The following GATA4 variants were observed in gnomAD, a reference collection of about 807,000 sequenced individuals.
GATA4 encodes transcription factor GATA-4.
Under a neutral mutation model 37.9 loss-of-function variants are expected in GATA4, and 7 were observed. The ratio of observed to expected loss-of-function variants is 0.18; its 90% CI spans 0.11 to 0.35. GATA4 has a LOEUF of 0.35. GATA4 is among the 10% of genes least tolerant of loss of function. The pLI is 1.00. For missense variants in GATA4, 647 were observed against 653.0 expected (o/e 0.99, Z 0.10); for synonymous variants, 372 against 292.6 (o/e 1.27, Z -2.77).
chr8:11,691,641 C>T (rs962027588), upstream of GATA4, among the ~76,000 whole-genome samples: 1 of 152,186 alleles, frequency 6.6e-6, no homozygotes, highest in Admixed American at 6.5e-5. Flanking sequence ...CGCCTGTGGG[C>T]ATGGCAGTCC....
chr8:11,700,795 G>C (rs1354573223), upstream of GATA4: 1 of 152,266 alleles, frequency 6.6e-6, no homozygotes, highest in Non-Finnish European at 1.5e-5. Flanking sequence ...TTCTCTCTGG[G>C]GTTTCTTGTT....
intron 2 of GATA4, among the ~76,000 whole-genome samples, chr8:11,732,054 C>A (rs986573159): frequency 2.6e-5 from 4 of 152,188 alleles, no homozygotes; most frequent in Non-Finnish European, 5.9e-5. Flanking sequence ...AAATGTTGTA[C>A]TACAAGCAAC....
intron 2 of GATA4, among the ~76,000 whole-genome samples, chr8:11,729,341 G>T (rs561899825): frequency 1.3e-5 from 2 of 152,278 alleles, no homozygotes; most frequent in African/African-American, 4.8e-5. Flanking sequence ...AGGCCAGGGT[G>T]AACGGATCAC....
chr8:11,692,754 A>G, intron 1 of GATA4: 4 of 982,860 alleles, frequency 4.1e-6, no homozygotes, highest in African/African-American at 1.7e-5. Context: ...GAGGGCGCGG[A>G]CGGACGGGGG....
chr8:11,717,610 T>C (rs1418397502), intron 2 of GATA4, among the ~76,000 whole-genome samples: 2 of 152,188 alleles, frequency 1.3e-5, no homozygotes, highest in Non-Finnish European at 2.9e-5. Flanking sequence ...ATGAGGGCAC[T>C]TGGCTCTTCA....
Position 11,752,638 on chromosome 8 carries a change from T to C in GATA4, c.912+2402T>C, listed in dbSNP as rs139507718. Among the ~76,000 whole-genome samples, 1,194 of 152,310 alleles carry C rather than the reference T, an allele frequency of 7.8e-3. 26 individuals carry two copies. The highest frequency in any genetic ancestry group is 0.027 in the African/African-American group (1,132 of 41,552). On this transcript the variant is annotated intron_variant, in intron 4 of 6. Coordinates refer to ENST00000532059, the MANE Select transcript of GATA4 (RefSeq NM_001308093.3). ...CACAGCCAAACCAAGTCAATAGATA[T>C]ATATGTGTACAGATGTTTGAGAATT...
At chr8:11,692,437 A>G (rs1355294429), upstream of GATA4, 1 of 838,526 alleles carries the variant, frequency 1.2e-6, no homozygotes, top group Non-Finnish European at 1.4e-6. Context: ...CTATCACTAT[A>G]TAATTCGAAT....
rs141114164 is a variant in GATA4 at position 11,750,164 on chromosome 8, C to A, written c.840C>A (p.Thr280=). 16 of 1,613,800 alleles carry A rather than the reference C, an allele frequency of 9.9e-6. No homozygotes were observed. The highest frequency in any genetic ancestry group is 1.3e-5 in the African/African-American group (1 of 74,968). ...LSCANCQTTT[T]TLWRRNAEGE... ...GTGCCAACTGCCAGACCACCACCAC[C>A]ACGCTGTGGCGCCGCAATGCGGAGG... Residue 280 remains threonine (T), a synonymous_variant, in exon 4 of 7, where the codon ACC becomes ACA. Coordinates refer to ENST00000532059, the MANE Select transcript of GATA4 (RefSeq NM_001308093.3).
At chr8:11,682,892 C>A (rs1585545811) in intron 1 of GATA4, among the ~76,000 whole-genome samples, 1 of 152,212 alleles carries the variant, frequency 6.6e-6, no homozygotes, top group African/African-American at 2.4e-5. Flanking sequence ...CCTCTTAGAA[C>A]TACTCCGGAG....
At chr8:11,689,897 T>C (rs1203485107), upstream of GATA4, among the ~76,000 whole-genome samples, 1 of 152,152 alleles carries the variant, frequency 6.6e-6, no homozygotes, top group Admixed American at 6.5e-5. Flanking sequence ...TCAATTCCTA[T>C]AGTAGCATGT....
intron 2 of GATA4, among the ~76,000 whole-genome samples, chr8:11,727,087 G>A (rs1800962240): frequency 6.6e-6 from 1 of 152,136 alleles, no homozygotes; most frequent in Admixed American, 6.5e-5. Flanking sequence ...CATAACAAAC[G>A]TCACAGGGAA....
intron 2 of GATA4, among the ~76,000 whole-genome samples, chr8:11,716,952 G>A (rs1005496586): frequency 3.3e-5 from 5 of 152,202 alleles, no homozygotes; most frequent in South Asian, 4.1e-4. Flanking sequence ...TCTTGCCAAC[G>A]CGAGCTGCTG....
chr8:11,750,965 A>G (rs998504875), intron 4 of GATA4, among the ~76,000 whole-genome samples: 1 of 151,924 alleles, frequency 6.6e-6, no homozygotes, highest in African/African-American at 2.4e-5. Context: ...TAAAAATATT[A>G]GATAATAAAA....
chr8:11,708,508 G>T lies in GATA4; in HGVS notation c.196G>T (p.Ala66Ser). 6.8e-7 allele frequency: 1 copy of T among 1,474,740 alleles called. No individual in the cohort carries two copies. The highest frequency in any genetic ancestry group is 8.9e-7 in the Non-Finnish European group (1 of 1,120,252). 91.4% of individuals were successfully genotyped at this position (1,474,740 alleles called of 1,614,324 possible). ...GGGAGSASGG[A>S]SGGSSGGAAS... ...AGGCGCGGGCTCTGCGTCCGGAGGC[G>T]CCTCGGGCGGCAGCTCCGGTGGGGC... The change falls in exon 2 of 7, where the codon GCC becomes TCC. Residue 66 changes from alanine to serine, a missense_variant. By Grantham distance (99) the Ala-to-Ser change is moderately conservative. Around this residue, in one of 5 missense-constraint regions of GATA4, gnomAD observed 379 missense variants for 334.5 expected, o/e 1.13. Coordinates refer to ENST00000532059, the MANE Select transcript of GATA4 (RefSeq NM_001308093.3). The surrounding 1 kb of genome is among the most constrained non-coding windows in gnomAD (Gnocchi z 6.7).
rs117485334 is a variant in GATA4, at chr8:11,693,838, G to T, written c.-729+1178G>T. On this transcript the variant is annotated intron_variant, in intron 1 of 2. Transcript: ENST00000526974. ...AAAAGGGCCAAGTCATAGGTTATGG[G>T]TGTGGGTGTCAGTGCATGAACAGCA... 6.0e-3 allele frequency among the ~76,000 whole-genome samples: 912 copies of T among 152,332 alleles called. 2 individuals carry two copies. The highest frequency in any genetic ancestry group is 9.6e-3 in the Non-Finnish European group (651 of 68,036).
At chr8:11,751,724 A>G (rs28407037) in intron 4 of GATA4, among the ~76,000 whole-genome samples, 6,487 of 152,280 alleles carry the variant, frequency 0.043, 337 homozygotes, top group African/African-American at 0.12. Context: ...GCTGAATCTC[A>G]CTAAAAATCA....
At chr8:11,729,063 T>G (rs878924193) in intron 2 of GATA4, among the ~76,000 whole-genome samples, 8 of 152,096 alleles carry the variant, frequency 5.3e-5, no homozygotes, top group Admixed American at 2.0e-4. Flanking sequence ...TGAAACCCCT[T>G]CTCTACTAAA....
At position 11,707,099 on chromosome 8, in the gene GATA4, G is replaced by C. The variant is rs1799920942; in HGVS notation, c.-457-757G>C. On this transcript the variant is annotated intron_variant, in intron 1 of 6. Coordinates refer to ENST00000532059, the MANE Select transcript of GATA4 (RefSeq NM_001308093.3). The surrounding 1 kb of genome is among the most constrained non-coding windows in gnomAD (Gnocchi z 4.7). ...CCATTCAGTGAATTAGAATGGTCCA[G>C]TGGGTTATTCTGTAGAGCGGCATTG... Among the ~76,000 whole-genome samples the C allele has an allele frequency of 4.6e-5, 7 of 152,210 alleles. 1 individual carries two copies. Among genetic ancestry groups the C allele is most frequent in the Admixed American group, 4.6e-4 (7 of 15,288 alleles).
chr8:11,735,906 T>C (rs889335122), intron 2 of GATA4, among the ~76,000 whole-genome samples: 3 of 149,552 alleles, frequency 2.0e-5, no homozygotes, highest in African/African-American at 2.6e-5. Flanking sequence ...CGTTTGCCTG[T>C]TTGAAAAAAA....
Sources: gnomAD v4.1 joint callset for allele counts (sites outside exome capture counted in the v4.1 genomes callset) on GRCh38, gnomAD v4.1.1 for gene constraint, gnomAD v4.1.1 regional missense constraint, Gnocchi (gnomAD v3.1) non-coding constraint, MANE v1.5 for transcripts, NCBI Gene and HGNC (gene_info 2026-07-23, HGNC 2026-07-21) for gene names.